Variants in PDE8B observed in about 807,000 individuals in gnomAD.
PDE8B encodes the protein high affinity cAMP-specific and IBMX-insensitive 3',5'-cyclic phosphodiesterase 8B.
In PDE8B, 26 loss-of-function variants were observed where a neutral mutation model predicts 101.3. The observed-to-expected ratio is 0.26, with a 90% CI of 0.19 to 0.36. PDE8B has a LOEUF of 0.36. PDE8B is among the 10% of genes least tolerant of loss of function. The probability of loss-of-function intolerance (pLI) is 1.00; values close to 1 mark genes in which losing one functional copy is unlikely to be tolerated. For synonymous variants in PDE8B, 424 were observed against 429.3 expected (o/e 0.99, Z 0.15); for missense variants, 810 against 1,163.1 (o/e 0.70, Z 4.42).
intron 1 of PDE8B, among the ~76,000 whole-genome samples, chr5:77,225,412 G>A (rs1752113562): frequency 6.6e-6 from 1 of 152,162 alleles, no homozygotes; most frequent in African/African-American, 2.4e-5. Flanking sequence ...ACTCAGAGTA[G>A]CCACGTTGGC....
intron 5 of PDE8B, among the ~76,000 whole-genome samples, chr5:77,335,389 T>C (rs1391720920): frequency 6.6e-6 from 1 of 152,198 alleles, no homozygotes; most frequent in African/African-American, 2.4e-5. Flanking sequence ...ATTTCCCTTA[T>C]GTGTATGTTT....
chr5:77,161,902 G>A, the PDE8B span, among the ~76,000 whole-genome samples: 15 of 150,752 alleles, frequency 1.0e-4, no homozygotes, highest in African/African-American at 3.4e-4. Context: ...GTGCTTATTG[G>A]GTATTTATAG....
chr5:77,259,593 G>A (rs1433378958), intron 1 of PDE8B, among the ~76,000 whole-genome samples: 1 of 152,150 alleles, frequency 6.6e-6, no homozygotes, highest in Non-Finnish European at 1.5e-5. Context: ...ACTTGGAAGG[G>A]GAATTTCCTC....
the PDE8B span, among the ~76,000 whole-genome samples, chr5:77,200,782 C>T: frequency 6.6e-6 from 1 of 152,136 alleles, no homozygotes; most frequent in East Asian, 1.9e-4. Flanking sequence ...GTCAAGTACC[C>T]TGGAAAGCTC....
intron 1 of PDE8B, among the ~76,000 whole-genome samples, chr5:77,234,965 C>T (rs899165989): frequency 1.3e-5 from 2 of 152,200 alleles, no homozygotes; most frequent in East Asian, 1.9e-4. Context: ...AATGCCTTGT[C>T]ATCATCATAT....
Position 77,312,041 on chromosome 5 carries a change from G to A in PDE8B, c.387G>A (p.Gln129=). Residue 129 remains glutamine, a synonymous_variant, in exon 2 of 22, where the codon CAG becomes CAA. Coordinates refer to ENST00000264917, the MANE Select transcript of PDE8B (RefSeq NM_003719.5). ...GCATCGGGCCCATGAGACTGACGCA[G>A]GACCCTATTCAGGTACGCCTCCTTT... ...EVRIGPMRLT[Q]DPIQVLLIFA... is the part of the protein sequence containing the mutation. 1 of 1,611,972 alleles carries A rather than the reference G, an allele frequency of 6.2e-7. No individual in the cohort carries two copies. The highest frequency in any genetic ancestry group is 8.5e-7 in the Non-Finnish European group (1 of 1,178,148).
chr5:77,210,820 A>C lies in PDE8B; in HGVS notation c.-106A>C, dbSNP rs1466383940. 1.0e-6 allele frequency: 1 copy of C among 985,954 alleles called. No homozygotes were observed. The highest frequency in any genetic ancestry group is 1.8e-5 in the African/African-American group (1 of 56,308). The allele number at this position is 985,954 out of a possible 1,614,324, so 61.1% of individuals were successfully genotyped here. ...CGGACACACAGGCCGGGGGGCGCGC[A>C]GTCCGGGCGCCGCCGCGGCCGCCCC... On this transcript the variant is annotated 5_prime_UTR_variant, in exon 1 of 22. Transcript: ENST00000264917. The surrounding 1 kb of genome is among the most constrained non-coding windows in gnomAD (Gnocchi z 4.9).
chr5:77,119,096 C>T, the PDE8B span: 2 of 151,986 alleles, frequency 1.3e-5, no homozygotes, highest in African/African-American at 2.4e-5. Flanking sequence ...TTACTAGTCA[C>T]CAGAATTCAA....
intron 10 of PDE8B, chr5:77,358,331 C>A: frequency 2.5e-6 from 1 of 407,204 alleles, no homozygotes; most frequent in Non-Finnish European, 3.3e-6. Flanking sequence ...GGACTCAACT[C>A]AGCTTCTCTT....
intron 6 of PDE8B, among the ~76,000 whole-genome samples, chr5:77,342,224 T>A (rs1479601): frequency 0.2 from 30,370 of 152,150 alleles, 3,497 homozygotes; most frequent in Middle Eastern, 0.33. Context: ...ACAACAGGTA[T>A]CTACATGTGT....
At chr5:77,260,424 A>G (rs1760294413) in intron 1 of PDE8B, among the ~76,000 whole-genome samples, 3 of 152,180 alleles carry the variant, frequency 2.0e-5, no homozygotes, top group African/African-American at 7.2e-5. Context: ...GCTACCACGT[A>G]TGCAAATACT....
chr5:77,391,984 ATAGC>A (rs1229118980), intron 10 of PDE8B, among the ~76,000 whole-genome samples: 2 of 152,232 alleles, frequency 1.3e-5, no homozygotes, highest in Admixed American at 1.3e-4. Flanking sequence ...AAGTAGCTGT[ATAGC>A]AAATGGTCTT....
chr5:77,400,118 T>C (rs537579764), intron 10 of PDE8B, 130 bp from the exon 11 acceptor site: 11 of 714,846 alleles, frequency 1.5e-5, no homozygotes, highest in Non-Finnish European at 2.3e-5. Flanking sequence ...CATCTGTTCA[T>C]ATTATATGTG....
chr5:77,284,827 C>T (rs1179210308), intron 1 of PDE8B, among the ~76,000 whole-genome samples: 1 of 152,132 alleles, frequency 6.6e-6, no homozygotes, highest in Non-Finnish European at 1.5e-5. Flanking sequence ...TTTTCATTGC[C>T]ATGTAGTCTT....
At chr5:77,248,556 G>A (rs1044768305) in intron 1 of PDE8B, among the ~76,000 whole-genome samples, 2 of 152,094 alleles carry the variant, frequency 1.3e-5, no homozygotes, top group South Asian at 2.1e-4. Context: ...TCACTACAGG[G>A]AAAAAGTCCG....
chr5:77,178,136 C>G, the PDE8B span, among the ~76,000 whole-genome samples: 1 of 152,226 alleles, frequency 6.6e-6, no homozygotes, highest in Non-Finnish European at 1.5e-5. Context: ...AAAATTCTCA[C>G]TCTCTCAGAA....
At chr5:77,108,077 A>T in the PDE8B span, among the ~76,000 whole-genome samples, 7 of 152,182 alleles carry the variant, frequency 4.6e-5, no homozygotes, top group African/African-American at 1.7e-4. Flanking sequence ...TACACTGCAG[A>T]GTCCAAAGAA....
intron 10 of PDE8B, among the ~76,000 whole-genome samples, chr5:77,384,437 C>T (rs1192741758): frequency 2.0e-5 from 3 of 152,140 alleles, no homozygotes; most frequent in Non-Finnish European, 4.4e-5. Context: ...AATTTGACTT[C>T]CTCTTTTCCT....
chr5:77,396,463 A>G (rs1357576973), intron 10 of PDE8B, among the ~76,000 whole-genome samples: 1 of 152,224 alleles, frequency 6.6e-6, no homozygotes, highest in Non-Finnish European at 1.5e-5. Context: ...TTACTTATGT[A>G]TCCAGTGAAC....
Sources: gnomAD v4.1 joint callset for allele counts (sites outside exome capture counted in the v4.1 genomes callset) on GRCh38, gnomAD v4.1.1 for gene constraint, Gnocchi (gnomAD v3.1) non-coding constraint, MANE v1.5 for transcripts, NCBI Gene and HGNC (gene_info 2026-07-23, HGNC 2026-07-21) for gene names.